The following DPYD variants were observed in gnomAD, a reference collection of about 807,000 sequenced individuals.
DPYD encodes dihydropyrimidine dehydrogenase [NADP(+)].
Under a neutral mutation model 116.2 loss-of-function variants are expected in DPYD, and 109 were observed. That is an observed-to-expected ratio of 0.94 (90% CI 0.80 to 1.10). DPYD has a LOEUF of 1.10. Among genes scored for constraint, DPYD ranks in the 50% least tolerant of loss-of-function variants. The pLI, the probability that DPYD is intolerant of heterozygous loss-of-function variation, is 0.00. For synonymous variants in DPYD, 440 were observed against 432.0 expected, an observed-to-expected ratio of 1.02 and a Z score of -0.23; for missense variants, 1,302 against 1,254.5, an observed-to-expected ratio of 1.04 and a Z score of -0.57.
chr1:97,496,458 G>GGAT (rs1233564943), intron 13 of DPYD, among the ~76,000 whole-genome samples: 16 of 151,884 alleles, frequency 1.1e-4, no homozygotes, highest in Non-Finnish European at 2.2e-4. Context: ...ATCCTTCTTT[G>GGAT]CATATAGTTC....
chr1:97,749,168 G>A (rs1361090366), intron 3 of DPYD, among the ~76,000 whole-genome samples: 2 of 152,118 alleles, frequency 1.3e-5, no homozygotes, highest in Admixed American at 6.5e-5. Context: ...TCCAGGGTAA[G>A]GCAGCAAATT....
chr1:97,891,919 T>C (rs1384901015), intron 1 of DPYD, among the ~76,000 whole-genome samples: 31 of 151,912 alleles, frequency 2.0e-4, no homozygotes, highest in Admixed American at 2.0e-3. Context: ...TTACTTGCTA[T>C]AATTCTGAGC....
intron 8 of DPYD, among the ~76,000 whole-genome samples, chr1:97,601,679 T>C (rs1655256760): frequency 6.6e-6 from 1 of 152,012 alleles, no homozygotes; most frequent in South Asian, 2.1e-4. Flanking sequence ...AATAGTGCCA[T>C]ATGGGTTATC....
At chr1:97,767,846 A>G (rs1665949916) in intron 3 of DPYD, among the ~76,000 whole-genome samples, 1 of 149,140 alleles carries the variant, frequency 6.7e-6, no homozygotes, top group Admixed American at 6.8e-5. Context: ...AAATGTTTTA[A>G]ATATCTAGAA....
intron 16 of DPYD, among the ~76,000 whole-genome samples, chr1:97,350,774 T>C (rs1197913518): frequency 6.6e-6 from 1 of 152,178 alleles, no homozygotes; most frequent in East Asian, 1.9e-4. Flanking sequence ...AGTGTTTATG[T>C]TATAACTGGA....
intron 8 of DPYD, among the ~76,000 whole-genome samples, chr1:97,618,451 C>T (rs997763799): frequency 2.0e-5 from 3 of 150,702 alleles, no homozygotes; most frequent in Non-Finnish European, 4.4e-5. Context: ...TCTCGGTTCA[C>T]TGCAACCTCC....
Position 97,306,035 on chromosome 1 carries a change from G to C in DPYD, c.2179+142C>G, listed in dbSNP as rs965329377. 7.7e-6 allele frequency: 10 copies of C among 1,295,256 alleles called. No homozygotes were observed. The Admixed American group carries it at 1.7e-4, about 22-fold the overall frequency. 80.2% of individuals were successfully genotyped at this position (1,295,256 alleles called of 1,614,324 possible). On this transcript the variant is annotated intron_variant, in intron 17 of 22. Coordinates refer to ENST00000370192, the MANE Select transcript of DPYD (RefSeq NM_000110.4). The stretch of plus-strand genomic sequence containing the variant: ...CAGGTGTAAATCTCCTGTGTTTGTG[G>C]GATCAAGTGCTCAACTGGAAACTTT...
Position 97,218,447 on chromosome 1 carries a change from T to C in DPYD, c.2442+16405A>G, listed in dbSNP as rs1405674708. On this transcript the variant is annotated intron_variant, in intron 19 of 22. Coordinates refer to ENST00000370192, the MANE Select transcript of DPYD (RefSeq NM_000110.4). ...CACTAATAAGAGCTACCCATCCGCC[T>C]TTATACAGAGGTTCTCAGAGCTTGG... Among the ~76,000 whole-genome samples, 3 of 151,808 alleles carry C rather than the reference T, an allele frequency of 2.0e-5. No homozygotes were observed. In the East Asian group the frequency reaches 5.8e-4, roughly 29 times the overall value.
intron 12 of DPYD, among the ~76,000 whole-genome samples, chr1:97,538,983 T>C (rs961562089): frequency 6.6e-6 from 1 of 152,210 alleles, no homozygotes; most frequent in Non-Finnish European, 1.5e-5. Flanking sequence ...GAATACAGCA[T>C]ATTTTAATAA....
intron 8 of DPYD, among the ~76,000 whole-genome samples, chr1:97,618,207 G>A (rs1656408098): frequency 2.0e-5 from 3 of 151,974 alleles, no homozygotes; most frequent in African/African-American, 4.8e-5. Context: ...GACTCTCCAT[G>A]GCAAGGGACT....
At chr1:97,672,312 T>C (rs1348331324) in intron 8 of DPYD, among the ~76,000 whole-genome samples, 5 of 152,144 alleles carry the variant, frequency 3.3e-5, no homozygotes, top group Admixed American at 1.3e-4. Flanking sequence ...TTTCTATAGA[T>C]ATGTTAATAT....
Position 97,743,893 on chromosome 1 carries a change from T to C in DPYD, c.234-3414A>G, listed in dbSNP as rs1427708884. 4.6e-5 allele frequency among the ~76,000 whole-genome samples: 7 copies of C among 152,180 alleles called. No homozygotes were observed. In the East Asian group the frequency reaches 1.3e-3, roughly 29 times the overall value. ...TTTTTAAATGCATAAGCAGCAAAAA[T>C]TAATTCAGAGAAACAATTATGTCAT... is the stretch of plus-strand genomic sequence containing the variant. On this transcript the variant is annotated intron_variant, in intron 3 of 22. Transcript: ENST00000370192.
chr1:97,094,761 G>A (rs1362888302), intron 21 of DPYD, among the ~76,000 whole-genome samples: 1 of 152,106 alleles, frequency 6.6e-6, no homozygotes, highest in Non-Finnish European at 1.5e-5. Context: ...TGTAGGAAAC[G>A]TTTAGATTTA....
intron 20 of DPYD, among the ~76,000 whole-genome samples, chr1:97,188,007 A>G (rs1658113211): frequency 6.6e-6 from 1 of 152,148 alleles, no homozygotes; most frequent in Admixed American, 6.6e-5. Context: ...AGGTAATGTG[A>G]TGACTCCAGC....
At chr1:97,838,636 G>C (rs950723959) in intron 2 of DPYD, among the ~76,000 whole-genome samples, 2 of 151,602 alleles carry the variant, frequency 1.3e-5, no homozygotes, top group East Asian at 3.9e-4. Flanking sequence ...ATGAGGTCAG[G>C]AGATCGAGAC....
chr1:97,465,916 C>T (rs1677296777), intron 13 of DPYD, among the ~76,000 whole-genome samples: 1 of 152,098 alleles, frequency 6.6e-6, no homozygotes, highest in African/African-American at 2.4e-5. Flanking sequence ...TCAAGACCAG[C>T]CTGGACAATG....
intron 20 of DPYD, among the ~76,000 whole-genome samples, chr1:97,147,210 T>C (rs1434323002): frequency 6.6e-6 from 1 of 152,006 alleles, no homozygotes; most frequent in Admixed American, 6.6e-5. Context: ...TAGCTGGGCA[T>C]GGGGGCATGC....
At chr1:97,696,212 A>C (rs1000186497) in intron 6 of DPYD, among the ~76,000 whole-genome samples, 3 of 151,982 alleles carry the variant, frequency 2.0e-5, no homozygotes, top group African/African-American at 7.2e-5. Flanking sequence ...ACATTTTTTT[A>C]GAGTGTTCAT....
chr1:97,304,535 G>A (rs1266470944), intron 18 of DPYD, among the ~76,000 whole-genome samples: 1 of 151,896 alleles, frequency 6.6e-6, no homozygotes, highest in East Asian at 1.9e-4. Context: ...ATTCAGCAAT[G>A]CTTTTCTTGA....
Sources: allele counts gnomAD v4.1 joint callset (sites outside exome capture counted in the v4.1 genomes callset), GRCh38; gene constraint gnomAD v4.1.1; transcripts MANE v1.5; gene names NCBI Gene and HGNC (gene_info 2026-07-23, HGNC 2026-07-21).